PARD3: variants seen among roughly 807,000 people sequenced by gnomAD.
The protein encoded by PARD3 is partitioning defective 3 homolog.
Under a neutral mutation model 155.4 loss-of-function variants are expected in PARD3, and 75 were observed. The observed-to-expected ratio is 0.48, with a 90% CI of 0.40 to 0.58. The LOEUF (loss-of-function observed/expected upper bound fraction) is 0.58. PARD3 is among the 20% of genes least tolerant of loss of function. PARD3 has a pLI of 0.00. For synonymous variants in PARD3, 576 were observed against 610.5 expected, an observed-to-expected ratio of 0.94 and a Z score of 0.83; for missense variants, 1,642 against 1,721.7, an observed-to-expected ratio of 0.95 and a Z score of 0.82.
intron 2 of PARD3, among the ~76,000 whole-genome samples, chr10:34,549,667 G>T (rs2084378483): frequency 6.6e-6 from 1 of 152,182 alleles, no homozygotes; most frequent in Admixed American, 6.5e-5. Context: ...TTACACATTG[G>T]CTAGAGTTGT....
intron 2 of PARD3, among the ~76,000 whole-genome samples, chr10:34,567,536 G>C (rs2086054950): frequency 6.6e-6 from 1 of 152,124 alleles, no homozygotes; most frequent in Admixed American, 6.5e-5. Flanking sequence ...ACACAGGTTT[G>C]ACTTAGCATC....
rs2132129949 is a variant in PARD3 at position 34,395,537 on chromosome 10, A to G, written c.890+3793T>C. On this transcript the variant is annotated intron_variant, in intron 7 of 24. Transcript: ENST00000374788. ...TTTGAATAACATATACAAGGAAATA[A>G]CTCAAGAAAAACATCATCGGCCGGG... Among the ~76,000 whole-genome samples the G allele has an allele frequency of 2.0e-5, 3 of 151,650 alleles. No individual in the cohort carries two copies. The South Asian group carries it at 6.3e-4, about 32-fold the overall frequency.
At chr10:34,125,516 A>G (rs1364704707) in intron 23 of PARD3, among the ~76,000 whole-genome samples, 2 of 152,256 alleles carry the variant, frequency 1.3e-5, no homozygotes, top group Non-Finnish European at 2.9e-5. Context: ...AGTCTTAAAA[A>G]AGATGGAAAC....
intron 19 of PARD3, among the ~76,000 whole-genome samples, chr10:34,321,778 C>T (rs1958394375): frequency 6.6e-6 from 1 of 152,178 alleles, no homozygotes; most frequent in South Asian, 2.1e-4. Context: ...AGGACTGGAT[C>T]ACCAACAAGT....
chr10:34,305,802 A>G (rs533989535), intron 20 of PARD3, among the ~76,000 whole-genome samples: 14 of 152,104 alleles, frequency 9.2e-5, no homozygotes, highest in Non-Finnish European at 2.1e-4. Flanking sequence ...ATAAAGTGAG[A>G]CCGTGTCTTT....
intron 2 of PARD3, among the ~76,000 whole-genome samples, chr10:34,683,115 C>T (rs942580279): frequency 1.3e-5 from 2 of 152,152 alleles, no homozygotes; most frequent in Non-Finnish European, 2.9e-5. Flanking sequence ...TGGAAGCCAA[C>T]ACCCTAAGTG....
At chr10:34,433,621 T>C (rs143795207) in intron 5 of PARD3, among the ~76,000 whole-genome samples, 3 of 152,290 alleles carry the variant, frequency 2.0e-5, no homozygotes, top group East Asian at 3.9e-4. Context: ...ATAATCAAAC[T>C]AACATTCCTT....
chr10:34,237,364 C>A (rs912291065), intron 22 of PARD3, among the ~76,000 whole-genome samples: 2 of 152,102 alleles, frequency 1.3e-5, no homozygotes, highest in African/African-American at 4.8e-5. Context: ...AGTGTATTTG[C>A]ATAAATGTTT....
At chr10:34,399,191 G>A in intron 7 of PARD3, 139 bp downstream of exon 7, 2 of 655,508 alleles carry the variant, frequency 3.1e-6, no homozygotes, top group South Asian at 3.6e-5. Flanking sequence ...ATATATATAG[G>A]AATGAAGGAG....
chr10:34,814,618 G>A (rs1005730842), intron 1 of PARD3, among the ~76,000 whole-genome samples: 6 of 151,938 alleles, frequency 3.9e-5, no homozygotes, highest in Middle Eastern at 3.4e-3. Context: ...CCGCGCTACC[G>A]AGGCCGGAGC....
intron 22 of PARD3, among the ~76,000 whole-genome samples, chr10:34,259,126 C>T (rs1359283343): frequency 6.6e-6 from 1 of 151,768 alleles, no homozygotes; most frequent in Admixed American, 6.6e-5. Flanking sequence ...ACAAAGAGAA[C>T]AGAGTTTCAG....
intron 23 of PARD3, among the ~76,000 whole-genome samples, chr10:34,123,515 C>G (rs1343917717): frequency 2.0e-5 from 3 of 152,018 alleles, no homozygotes; most frequent in African/African-American, 7.3e-5. Context: ...AATTACAGCT[C>G]ACTGCAGCCT....
chr10:34,297,961 G>C (rs1956984309), intron 20 of PARD3, among the ~76,000 whole-genome samples: 2 of 152,248 alleles, frequency 1.3e-5, no homozygotes, highest in African/African-American at 4.8e-5. Context: ...ATGGCCTCTG[G>C]AGCCAGAATC....
chr10:34,372,027 T>C (rs78361744), intron 12 of PARD3, among the ~76,000 whole-genome samples: 10,261 of 152,260 alleles, frequency 0.067, 469 homozygotes, highest in Non-Finnish European at 0.096. Context: ...ATCTCTTTTA[T>C]AGTTATTCTA....
intron 22 of PARD3, among the ~76,000 whole-genome samples, chr10:34,206,121 T>A (rs751152897): frequency 1.3e-5 from 2 of 152,152 alleles, no homozygotes; most frequent in Non-Finnish European, 2.9e-5. Context: ...GACCACCTCT[T>A]CACTTAAGTC....
At position 34,127,984 on chromosome 10, in the gene PARD3, G is replaced by C. The variant is rs372964465; in HGVS notation, c.3540+3479C>G. ...ATGACTCAATGTACTTGATCATCTA[G>C]GAAAATGAACTAAATACCTTAGAAA... On this transcript the variant is annotated intron_variant, in intron 23 of 24. Coordinates refer to ENST00000374788, the MANE Select transcript of PARD3 (RefSeq NM_001184785.2). 4.6e-5 allele frequency among the ~76,000 whole-genome samples: 7 copies of C among 152,234 alleles called. No individual in the cohort carries two copies. In the East Asian group the frequency reaches 9.6e-4, roughly 21 times the overall value.
intron 2 of PARD3, among the ~76,000 whole-genome samples, chr10:34,691,599 T>C (rs1371030649): frequency 6.6e-6 from 1 of 152,074 alleles, no homozygotes; most frequent in Non-Finnish European, 1.5e-5. Flanking sequence ...AAAAGAATAA[T>C]TCACATAGAA....
intron 22 of PARD3, among the ~76,000 whole-genome samples, chr10:34,155,663 T>C (rs1209252571): frequency 1.6e-5 from 2 of 121,618 alleles, no homozygotes; most frequent in Non-Finnish European, 3.3e-5. Flanking sequence ...ACAAGCCCTC[T>C]AAAAATGTGT....
intron 5 of PARD3, among the ~76,000 whole-genome samples, chr10:34,412,292 T>C (rs781157696): frequency 1.3e-5 from 2 of 152,146 alleles, no homozygotes; most frequent in Non-Finnish European, 2.9e-5. Flanking sequence ...AGATATCATA[T>C]ATATTTTACC....
Sources: gnomAD v4.1 joint callset for allele counts (sites outside exome capture counted in the v4.1 genomes callset) on GRCh38, gnomAD v4.1.1 for gene constraint, MANE v1.5 for transcripts, NCBI Gene and HGNC (gene_info 2026-07-23, HGNC 2026-07-21) for gene names.